TAOK3: variants seen among roughly 807,000 people sequenced by gnomAD.
The protein encoded by TAOK3 is TAO kinase 3, also known as serine/threonine-protein kinase TAO3.
TAOK3 carries 40 observed loss-of-function variants against 120.4 expected under a neutral mutation model. The observed-to-expected ratio is 0.33, with a 90% CI of 0.26 to 0.43. The LOEUF (loss-of-function observed/expected upper bound fraction) is 0.43. Ranked by LOEUF, TAOK3 falls within the 20% of genes least tolerant of loss-of-function variation. The pLI is 1.00. For missense variants in TAOK3, 821 were observed against 1,112.1 expected (o/e 0.74, Z 3.72); for synonymous variants, 355 against 387.5 (o/e 0.92, Z 0.99).
intron 1 of TAOK3, among the ~76,000 whole-genome samples, chr12:118,338,660 G>A (rs1050210831): frequency 3.3e-5 from 5 of 151,830 alleles, no homozygotes; most frequent in African/African-American, 1.2e-4. Context: ...GTGGCCACGC[G>A]CCTGTAGTCC....
intron 8 of TAOK3, 113 bp downstream of exon 8, chr12:118,235,445 C>A (rs979241254): frequency 2.8e-6 from 2 of 702,350 alleles, no homozygotes; most frequent in South Asian, 4.0e-5. Context: ...AATGAAACCT[C>A]GTTTTGAGGC....
At chr12:118,274,147 A>T (rs1183957874) in intron 1 of TAOK3, among the ~76,000 whole-genome samples, 1 of 152,180 alleles carries the variant, frequency 6.6e-6, no homozygotes, top group African/African-American at 2.4e-5. Context: ...AACAAAAAAA[A>T]AACTAGCAAA....
intron 8 of TAOK3, among the ~76,000 whole-genome samples, 198 bp from the exon 9 acceptor site, chr12:118,233,963 A>T (rs1041599769): frequency 2.6e-5 from 4 of 152,104 alleles, no homozygotes; most frequent in Non-Finnish European, 4.4e-5. Context: ...ACAGTATATT[A>T]TTTTCAATAA....
chr12:118,268,208 A>G (rs1247505144), intron 1 of TAOK3, among the ~76,000 whole-genome samples: 1 of 152,214 alleles, frequency 6.6e-6, no homozygotes, highest in Non-Finnish European at 1.5e-5. Context: ...TTGTTGAACT[A>G]TTGAAAATTA....
intron 1 of TAOK3, among the ~76,000 whole-genome samples, chr12:118,305,296 C>T (rs183048991): frequency 3.6e-4 from 54 of 152,070 alleles, no homozygotes; most frequent in Admixed American, 3.2e-3. Flanking sequence ...GCCTGATCAA[C>T]GTGGTGAAAC....
chr12:118,340,074 A>C (rs1395490107), intron 1 of TAOK3, among the ~76,000 whole-genome samples: 2 of 152,242 alleles, frequency 1.3e-5, no homozygotes. Flanking sequence ...TTAGCAAAAA[A>C]TTAGATACAG....
chr12:118,322,136 G>A (rs1403784708), intron 1 of TAOK3, among the ~76,000 whole-genome samples: 4 of 151,742 alleles, frequency 2.6e-5, no homozygotes, highest in Non-Finnish European at 4.4e-5. Context: ...CCAACATGGC[G>A]AAACCACCTC....
chr12:118,343,702 T>C (rs2044728003), intron 1 of TAOK3, among the ~76,000 whole-genome samples: 1 of 152,084 alleles, frequency 6.6e-6, no homozygotes, highest in Non-Finnish European at 1.5e-5. Flanking sequence ...TTTTGTTAAC[T>C]CTATGAGTCT....
At chr12:118,226,429 G>C (rs1284533207) in intron 9 of TAOK3, among the ~76,000 whole-genome samples, 1 of 151,938 alleles carries the variant, frequency 6.6e-6, no homozygotes, top group East Asian at 1.9e-4. Context: ...AGCTATTCGG[G>C]AGGCTGAGGC....
At chr12:118,362,772 C>T (rs894492513) in intron 1 of TAOK3, among the ~76,000 whole-genome samples, 1 of 152,058 alleles carries the variant, frequency 6.6e-6, no homozygotes, top group Non-Finnish European at 1.5e-5. Flanking sequence ...AATCCCAGAA[C>T]TTTGGAAGGC....
chr12:118,203,068 C>G (rs1055838839), intron 11 of TAOK3, among the ~76,000 whole-genome samples: 1 of 152,054 alleles, frequency 6.6e-6, no homozygotes, highest in Non-Finnish European at 1.5e-5. Context: ...GCGTGAGCCA[C>G]CGCACCGCAC....
At chr12:118,291,472 T>G (rs1684278348) in intron 1 of TAOK3, among the ~76,000 whole-genome samples, 1 of 152,018 alleles carries the variant, frequency 6.6e-6, no homozygotes, top group Non-Finnish European at 1.5e-5. Flanking sequence ...GGTTTTTACT[T>G]TTTAAAAGGA....
intron 1 of TAOK3, among the ~76,000 whole-genome samples, chr12:118,339,543 G>C (rs2044522632): frequency 6.6e-6 from 1 of 151,234 alleles, no homozygotes; most frequent in Admixed American, 6.6e-5. Context: ...CTTTGAAAGA[G>C]AGATATTTAT....
Position 118,151,106 on chromosome 12 carries a change from T to G in TAOK3, c.2588A>C (p.Asn863Thr). 1 of 1,613,924 alleles carries G rather than the reference T, an allele frequency of 6.2e-7. No homozygotes were observed. The highest frequency in any genetic ancestry group is 2.2e-5 in the East Asian group (1 of 44,876). ...CTCTCGCTCTTGCCTTTCCAATAGG[T>G]TCTTTATTCTCTCGCTGCGTTCCTT... ...LQKERSERIK[N>T]LLERQEREIE... Residue 863 changes from asparagine to threonine, a missense_variant, in exon 21 of 21, where the codon AAC (asparagine) becomes ACC (threonine). By Grantham distance (65) the Asn-to-Thr change is moderately conservative. Transcript: ENST00000392533.
At chr12:118,333,430 T>A (rs902696146) in intron 1 of TAOK3, among the ~76,000 whole-genome samples, 110 of 152,272 alleles carry the variant, frequency 7.2e-4, no homozygotes, top group African/African-American at 2.6e-3. Context: ...GATGCATAGA[T>A]CTGAATGGAA....
At chr12:118,368,522 T>TAACC (rs2045806762) in intron 1 of TAOK3, among the ~76,000 whole-genome samples, 1 of 136,480 alleles carries the variant, frequency 7.3e-6, no homozygotes, top group African/African-American at 2.6e-5. Context: ...TAACAGAAAA[T>TAACC]AGGCCGGGAG....
chr12:118,337,526 T>C (rs1430387840), intron 1 of TAOK3, among the ~76,000 whole-genome samples: 1 of 152,204 alleles, frequency 6.6e-6, no homozygotes, highest in African/African-American at 2.4e-5. Context: ...TATTCTTTAA[T>C]GGATAAAGGA....
rs2038020969 is a variant in TAOK3 at position 118,201,474 on chromosome 12, GA to G, written c.820-12del. ...TCGAACAAAGTCATGCTGATTGAGG[GA>G]GGAGGAAAAAATAAACTGATAATGA... On this transcript the variant is annotated splice_polypyrimidine_tract_variant and intron_variant, in intron 11 of 20. Coordinates refer to ENST00000392533, the MANE Select transcript of TAOK3 (RefSeq NM_016281.4). The G allele has an allele frequency of 6.3e-7, 1 of 1,595,942 alleles. No homozygotes were observed. Among genetic ancestry groups the G allele is most frequent in the Non-Finnish European group, 8.5e-7 (1 of 1,170,606 alleles).
At chr12:118,362,924 C>A (rs1001229614) in intron 1 of TAOK3, among the ~76,000 whole-genome samples, 8 of 143,436 alleles carry the variant, frequency 5.6e-5, no homozygotes, top group Middle Eastern at 3.5e-3. Flanking sequence ...GAGGCTGAGG[C>A]AGGAGAATTG....
Sources: allele counts gnomAD v4.1 joint callset (sites outside exome capture counted in the v4.1 genomes callset), GRCh38; gene constraint gnomAD v4.1.1; transcripts MANE v1.5; gene names NCBI Gene and HGNC (gene_info 2026-07-23, HGNC 2026-07-21).